The following HACD2 variants were observed in gnomAD, a reference collection of about 807,000 sequenced individuals.
The protein encoded by HACD2 is very-long-chain (3R)-3-hydroxyacyl-CoA dehydratase 2.
HACD2 carries 15 observed loss-of-function variants against 31.0 expected under a neutral mutation model. The observed-to-expected ratio is 0.48, with a 90% CI of 0.32 to 0.75. The LOEUF (loss-of-function observed/expected upper bound fraction) is 0.75. Ranked by LOEUF, HACD2 falls within the 30% of genes least tolerant of loss-of-function variation. The pLI, the probability that HACD2 is intolerant of heterozygous loss-of-function variation, is 0.03. For synonymous variants in HACD2, 115 were observed against 122.2 expected, an observed-to-expected ratio of 0.94 and a Z score of 0.39; for missense variants, 283 against 313.0, an observed-to-expected ratio of 0.90 and a Z score of 0.72.
intron 3 of HACD2, among the ~76,000 whole-genome samples, chr3:123,562,421 T>G (rs1420560929): frequency 6.6e-6 from 1 of 152,186 alleles, no homozygotes; most frequent in Non-Finnish European, 1.5e-5. Flanking sequence ...AAGTGCTCAC[T>G]TGCAAAGAAA....
chr3:123,583,446 A>G (rs1434160359), intron 1 of HACD2, among the ~76,000 whole-genome samples: 1 of 152,184 alleles, frequency 6.6e-6, no homozygotes, highest in Non-Finnish European at 1.5e-5. Flanking sequence ...TTAAAAATCA[A>G]TCTATGTGAC....
chr3:123,547,829 G>A (rs943945707), intron 3 of HACD2, among the ~76,000 whole-genome samples: 5 of 151,086 alleles, frequency 3.3e-5, no homozygotes, highest in Non-Finnish European at 5.9e-5. Context: ...CATCAGGCCC[G>A]GATCTACATC....
chr3:123,537,012 T>A (rs2056434372), intron 3 of HACD2, among the ~76,000 whole-genome samples: 1 of 152,164 alleles, frequency 6.6e-6, no homozygotes. Context: ...ATAATAAAAA[T>A]GCCCATGGTG....
intron 4 of HACD2, among the ~76,000 whole-genome samples, chr3:123,503,329 G>C (rs1009452320): frequency 6.6e-6 from 1 of 151,664 alleles, no homozygotes; most frequent in Non-Finnish European, 1.5e-5. Context: ...TTCCAGTGAG[G>C]GGAGGGCTTG....
chr3:123,522,478 A>AG (rs1010624054), intron 4 of HACD2, among the ~76,000 whole-genome samples: 7 of 152,214 alleles, frequency 4.6e-5, no homozygotes, highest in Non-Finnish European at 8.8e-5. Flanking sequence ...AAACACTGAG[A>AG]GAAAAATAGA....
At chr3:123,564,352 G>A (rs1278909808) in intron 3 of HACD2, among the ~76,000 whole-genome samples, 2 of 152,190 alleles carry the variant, frequency 1.3e-5, no homozygotes, top group South Asian at 4.1e-4. Flanking sequence ...AATGAGCTAA[G>A]ACAGAACTCC....
intron 3 of HACD2, among the ~76,000 whole-genome samples, chr3:123,535,036 T>C (rs2056408782): frequency 6.6e-6 from 1 of 152,182 alleles, no homozygotes; most frequent in Non-Finnish European, 1.5e-5. Flanking sequence ...AAGAAAAATA[T>C]ATTTTATAAA....
rs1288593463 is a variant in HACD2, at chr3:123,583,429, T to A, written c.156-1100A>T. 2.6e-5 allele frequency among the ~76,000 whole-genome samples: 4 copies of A among 152,264 alleles called. No individual in the cohort carries two copies. The East Asian group carries it at 7.7e-4, about 29-fold the overall frequency. On this transcript the variant is annotated intron_variant, in intron 1 of 6. Transcript: ENST00000383657. ...TAATACACACAGTGAGATTCCTGGA[T>A]GTTTTTTTAAAAATCAATCTATGTG...
chr3:123,499,665 A>C (rs757063907), intron 6 of HACD2: 9 of 454,408 alleles, frequency 2.0e-5, no homozygotes, highest in Middle Eastern at 6.5e-4. Flanking sequence ...AGAATACAGT[A>C]TCTTTTCTAG....
intron 4 of HACD2, among the ~76,000 whole-genome samples, chr3:123,506,253 G>A (rs2055974609): frequency 6.6e-6 from 1 of 152,168 alleles, no homozygotes; most frequent in African/African-American, 2.4e-5. Flanking sequence ...CATGTGAAAC[G>A]TGAACAGTTC....
chr3:123,546,823 A>G (rs1056321335), intron 3 of HACD2, among the ~76,000 whole-genome samples: 3 of 152,210 alleles, frequency 2.0e-5, no homozygotes, highest in African/African-American at 7.2e-5. Context: ...ACAAGGCAAC[A>G]CTTTTAAAAG....
At chr3:123,543,651 GATTAT>G in intron 3 of HACD2, 1 of 404,374 alleles carries the variant, frequency 2.5e-6, no homozygotes, top group Middle Eastern at 3.8e-4. Flanking sequence ...ATGGAAAAAT[GATTAT>G]ATTAAAGGAA....
At position 123,494,756 on chromosome 3, in the gene HACD2, T is replaced by C; in HGVS notation, c.*132A>G. ...GGCCCATGTGACACTGGATTTTTGT[T>C]TTAGTTTTGTTTGAATATTTTAAAA... is the stretch of plus-strand genomic sequence containing the variant. On this transcript the variant is annotated 3_prime_UTR_variant, in exon 7 of 7. Coordinates refer to ENST00000383657, the MANE Select transcript of HACD2 (RefSeq NM_198402.5). 1 of 702,688 alleles carries C rather than the reference T, an allele frequency of 1.4e-6. No homozygotes were observed. Among genetic ancestry groups the C allele is most frequent in the Non-Finnish European group, 2.4e-6 (1 of 409,024 alleles). 43.5% of individuals were successfully genotyped at this position (702,688 alleles called of 1,614,324 possible).
At chr3:123,513,674 A>T (rs1371392926) in intron 4 of HACD2, among the ~76,000 whole-genome samples, 1 of 152,250 alleles carries the variant, frequency 6.6e-6, no homozygotes, top group Non-Finnish European at 1.5e-5. Flanking sequence ...GGACCATCAC[A>T]GCAACCGCAT....
At chr3:123,527,488 T>C (rs1361115696) in intron 4 of HACD2, among the ~76,000 whole-genome samples, 2 of 152,216 alleles carry the variant, frequency 1.3e-5, no homozygotes, top group African/African-American at 4.8e-5. Context: ...AATCACTTAG[T>C]AGCTAACTTG....
intron 4 of HACD2, among the ~76,000 whole-genome samples, chr3:123,506,863 G>A (rs1473756018): frequency 6.6e-6 from 1 of 152,166 alleles, no homozygotes; most frequent in Non-Finnish European, 1.5e-5. Flanking sequence ...CTCAGGAGGG[G>A]TTTTTTGAGG....
intron 4 of HACD2, among the ~76,000 whole-genome samples, chr3:123,523,827 C>G (rs910564198): frequency 6.6e-6 from 1 of 152,216 alleles, no homozygotes; most frequent in Non-Finnish European, 1.5e-5. Context: ...CCCAGCAACT[C>G]CACCCCAGTG....
rs894716099 is a variant in HACD2, at chr3:123,492,812, A to G, written c.*2076T>C. Reference sequence around the variant, plus strand: ...TAACAGAACAAAGTAAATGACAAATATAACCCAAGTTGATTCTATTTTATA... The same window carrying G: ...TAACAGAACAAAGTAAATGACAAATGTAACCCAAGTTGATTCTATTTTATA... On this transcript the variant is annotated 3_prime_UTR_variant, in exon 7 of 7. Transcript: ENST00000383657. 2 of 152,264 alleles carry G rather than the reference A, an allele frequency of 1.3e-5. No homozygotes were observed. The highest frequency in any genetic ancestry group is 4.8e-5 in the African/African-American group (2 of 41,480). 9.4% of individuals were successfully genotyped at this position (152,264 alleles called of 1,614,324 possible).
intron 3 of HACD2, among the ~76,000 whole-genome samples, chr3:123,554,816 C>T (rs963314083): frequency 6.0e-5 from 9 of 150,320 alleles, no homozygotes; most frequent in Non-Finnish European, 1.2e-4. Context: ...ATTTTGATTC[C>T]GATAAAGTAA....
Sources: gnomAD v4.1 joint callset for allele counts (sites outside exome capture counted in the v4.1 genomes callset) on GRCh38, gnomAD v4.1.1 for gene constraint, MANE v1.5 for transcripts, NCBI Gene and HGNC (gene_info 2026-07-23, HGNC 2026-07-21) for gene names.